Variants in CTNND2 observed in about 807,000 individuals in gnomAD.
CTNND2 encodes catenin delta-2.
A neutral mutation model predicts 144.4 loss-of-function variants in CTNND2; 22 were observed. The ratio of observed to expected loss-of-function variants is 0.15; its 90% confidence interval spans 0.11 to 0.22. The LOEUF (loss-of-function observed/expected upper bound fraction) is 0.22, where lower values mean the gene tolerates loss of function less well. Ranked by LOEUF, CTNND2 falls within the 10% of genes least tolerant of loss-of-function variation. The pLI is 1.00. For missense variants in CTNND2, 1,353 were observed against 1,618.8 expected (o/e 0.84, Z 2.82); for synonymous variants, 751 against 695.6 (o/e 1.08, Z -1.25).
intron 9 of CTNND2, among the ~76,000 whole-genome samples, chr5:11,340,375 G>T (rs1754125208): frequency 6.6e-6 from 1 of 152,142 alleles, no homozygotes; most frequent in Non-Finnish European, 1.5e-5. Flanking sequence ...AATCTTCCAT[G>T]GAAAAGCCAT....
intron 9 of CTNND2, among the ~76,000 whole-genome samples, chr5:11,270,205 G>A (rs1009063728): frequency 6.6e-5 from 10 of 152,088 alleles, no homozygotes; most frequent in Non-Finnish European, 1.0e-4. Flanking sequence ...CAAAATGTGT[G>A]AGCATGTTAG....
intron 14 of CTNND2, among the ~76,000 whole-genome samples, chr5:11,101,993 G>A (rs989105021): frequency 6.6e-6 from 1 of 151,332 alleles, no homozygotes; most frequent in African/African-American, 2.4e-5. Flanking sequence ...GAAATAGCAC[G>A]AAGACAGAGG....
At chr5:11,234,752 G>A (rs1741427797) in intron 10 of CTNND2, among the ~76,000 whole-genome samples, 1 of 152,208 alleles carries the variant, frequency 6.6e-6, no homozygotes, top group Non-Finnish European at 1.5e-5. Context: ...CTGGCCGGGT[G>A]ACTCCTTGTA....
chr5:11,419,049 C>T (rs1240071131), intron 3 of CTNND2, among the ~76,000 whole-genome samples: 1 of 124,416 alleles, frequency 8.0e-6, no homozygotes, highest in Non-Finnish European at 1.7e-5. Context: ...TATAGATAGA[C>T]ATCTATATAG....
chr5:11,285,578 G>A (rs1316021580), intron 9 of CTNND2, among the ~76,000 whole-genome samples: 1 of 152,158 alleles, frequency 6.6e-6, no homozygotes, highest in East Asian at 1.9e-4. Context: ...GAATGAGGGG[G>A]ATTTTTCCCA....
At chr5:11,531,882 T>G (rs1457221605) in intron 3 of CTNND2, among the ~76,000 whole-genome samples, 3 of 152,212 alleles carry the variant, frequency 2.0e-5, no homozygotes, top group East Asian at 3.8e-4. Context: ...AACAGCACTT[T>G]TTATATTTTA....
chr5:11,506,416 A>T (rs1424492928), intron 3 of CTNND2, among the ~76,000 whole-genome samples: 1 of 152,228 alleles, frequency 6.6e-6, no homozygotes, highest in East Asian at 1.9e-4. Context: ...TATTCACAGC[A>T]ATCCTTCAAC....
At chr5:11,531,837 G>C (rs1241282354) in intron 3 of CTNND2, among the ~76,000 whole-genome samples, 1 of 152,052 alleles carries the variant, frequency 6.6e-6, no homozygotes, top group African/African-American at 2.4e-5. Context: ...TTTACATTCT[G>C]CTATCTTCAC....
chr5:11,765,837 T>G lies in CTNND2; in HGVS notation c.38-33565A>C, dbSNP rs1373515765. 3.9e-5 allele frequency among the ~76,000 whole-genome samples: 6 copies of G among 152,344 alleles called. No individual in the cohort carries two copies. In the Middle Eastern group the frequency reaches 0.017, roughly 432 times the overall value. On this transcript the variant is annotated intron_variant, in intron 1 of 21. Transcript: ENST00000304623. ...AAATAATTTGTTAATAATAATGTATTAAAATTTCAATTAAAATAATTTTAA... is the reference window on the plus strand; with the variant it reads ...AAATAATTTGTTAATAATAATGTATGAAAATTTCAATTAAAATAATTTTAA...
intron 2 of CTNND2, among the ~76,000 whole-genome samples, chr5:11,645,256 C>T (rs745643905): frequency 5.3e-5 from 8 of 152,110 alleles, no homozygotes; most frequent in Non-Finnish European, 1.2e-4. Flanking sequence ...CATGAGCCAC[C>T]ATGCCCAGTC....
At chr5:11,501,701 T>C (rs1020744569) in intron 3 of CTNND2, among the ~76,000 whole-genome samples, 1 of 151,884 alleles carries the variant, frequency 6.6e-6, no homozygotes, top group African/African-American at 2.4e-5. Context: ...ATGAATGAGA[T>C]TAGTGCCCTC....
In CTNND2 at chr5:11,364,860, T is replaced by A. The variant is rs747322496; in HGVS notation, c.1208A>T (p.His403Leu). 1 of 1,613,058 alleles carries A rather than the reference T, an allele frequency of 6.2e-7. No individual in the cohort carries two copies. Among genetic ancestry groups the A allele is most frequent in the Non-Finnish European group, 8.5e-7 (1 of 1,179,510 alleles). ...CCGCAACTCTGGGCCCAGGTGCCCA[T>A]GCTGGCTGCTGTATGAGGCTCGGGA... Reference protein sequence around the residue: ...AGSRASYSSQHGHLGPELRAL... With the variant: ...AGSRASYSSQLGHLGPELRAL... Residue 403 changes from histidine to leucine, a missense_variant, in exon 8 of 22, where the codon CAT becomes CTT. Coordinates refer to ENST00000304623, the MANE Select transcript of CTNND2 (RefSeq NM_001332.4).
chr5:11,233,304 T>C (rs753377244), intron 10 of CTNND2, among the ~76,000 whole-genome samples: 23 of 152,178 alleles, frequency 1.5e-4, no homozygotes, highest in Non-Finnish European at 2.2e-4. Flanking sequence ...TGAAAAAAAA[T>C]TGATGTTCTT....
At chr5:11,508,595 GA>G (rs1469063811) in intron 3 of CTNND2, among the ~76,000 whole-genome samples, 17 of 152,062 alleles carry the variant, frequency 1.1e-4, no homozygotes, top group Non-Finnish European at 2.2e-4. Context: ...CTTGGGGTTA[GA>G]AAAAAATAAA....
intron 11 of CTNND2, among the ~76,000 whole-genome samples, chr5:11,189,609 A>C (rs1377833904): frequency 6.6e-6 from 1 of 152,228 alleles, no homozygotes; most frequent in Non-Finnish European, 1.5e-5. Context: ...TATAATATGT[A>C]CATAAAATAT....
chr5:11,336,265 C>T lies in CTNND2; in HGVS notation c.1628+10107G>A, dbSNP rs186436134. On this transcript the variant is annotated intron_variant, in intron 9 of 21. Coordinates refer to ENST00000304623, the MANE Select transcript of CTNND2 (RefSeq NM_001332.4). ...TTGTTCAACATGCCAATAACCTGGACGCTCTCCACTGGTTAACAGAACTGG... is the reference window on the plus strand; with the variant it reads ...TTGTTCAACATGCCAATAACCTGGATGCTCTCCACTGGTTAACAGAACTGG... 1.6e-4 allele frequency among the ~76,000 whole-genome samples: 25 copies of T among 152,260 alleles called. No homozygotes were observed. The East Asian group carries it at 3.9e-3, about 24-fold the overall frequency.
rs564747233 is a variant in CTNND2, at chr5:11,662,221, A to ATG, written c.174+69913_174+69914dup. On this transcript the variant is annotated intron_variant, in intron 2 of 21. Coordinates refer to ENST00000304623, the MANE Select transcript of CTNND2 (RefSeq NM_001332.4). The stretch of plus-strand genomic sequence containing the variant: ...TGTATATATGTATATATATACATAT[A>ATG]TGTGTATATATGTATATATATACAT... 6.0e-3 allele frequency among the ~76,000 whole-genome samples: 800 copies of ATG among 132,638 alleles called. 6 individuals are homozygous for ATG. Among genetic ancestry groups the ATG allele is most frequent in the African/African-American group, 0.016 (495 of 31,222 alleles). The allele number at this position is 132,638 out of a possible 152,430, so 87.0% of individuals were successfully genotyped here.
At chr5:11,563,179 A>G (rs1424193184) in intron 3 of CTNND2, among the ~76,000 whole-genome samples, 1 of 152,238 alleles carries the variant, frequency 6.6e-6, no homozygotes, top group East Asian at 1.9e-4. Flanking sequence ...ACCCATTCCT[A>G]TCAGGGGCTG....
At chr5:11,602,328 G>A (rs1191827645) in intron 2 of CTNND2, among the ~76,000 whole-genome samples, 2 of 151,820 alleles carry the variant, frequency 1.3e-5, no homozygotes, top group Non-Finnish European at 2.9e-5. Context: ...TTGTCATCTG[G>A]GAAGATCTGA....
Sources: allele counts gnomAD v4.1 joint callset (sites outside exome capture counted in the v4.1 genomes callset), GRCh38; gene constraint gnomAD v4.1.1; transcripts MANE v1.5; gene names NCBI Gene and HGNC (gene_info 2026-07-23, HGNC 2026-07-21).